Variants in FBXL17 observed in about 807,000 individuals in gnomAD.
FBXL17 encodes the protein F-box and leucine rich repeat protein 17, also known as F-box/LRR-repeat protein 17.
FBXL17 carries 22 observed loss-of-function variants against 66.2 expected under a neutral mutation model. The observed-to-expected ratio is 0.33, with a 90% confidence interval of 0.24 to 0.47. FBXL17 has a LOEUF of 0.47. Ranked by LOEUF, FBXL17 falls within the 20% of genes least tolerant of loss-of-function variation. The pLI is 1.00. For synonymous variants in FBXL17, 474 were observed against 400.5 expected (o/e 1.18, Z -2.19); for missense variants, 878 against 948.2 (o/e 0.93, Z 0.97).
chr5:108,283,353 A>AG (rs1388698233), intron 4 of FBXL17, among the ~76,000 whole-genome samples: 1 of 151,970 alleles, frequency 6.6e-6, no homozygotes. Context: ...ACAGACACAT[A>AG]GATCAATGGA....
intron 7 of FBXL17, among the ~76,000 whole-genome samples, chr5:107,898,235 TA>T (rs1250645938): frequency 3.3e-5 from 5 of 152,134 alleles, no homozygotes; most frequent in African/African-American, 4.8e-5. Context: ...GAAGAATTGG[TA>T]CCATAAACAC....
chr5:108,224,063 G>C (rs1754987014), intron 5 of FBXL17, 58 bp downstream of exon 5: 4 of 791,074 alleles, frequency 5.1e-6, no homozygotes, highest in Non-Finnish European at 6.4e-6. Context: ...AAACAATTTA[G>C]GGCTCATCAC....
chr5:108,222,579 GCTCT>G (rs1353812305), intron 5 of FBXL17, among the ~76,000 whole-genome samples: 2 of 151,584 alleles, frequency 1.3e-5, no homozygotes, highest in Non-Finnish European at 2.9e-5. Flanking sequence ...ACAACCACAG[GCTCT>G]CTTTCAGATA....
intron 6 of FBXL17, among the ~76,000 whole-genome samples, chr5:108,053,084 C>T (rs1747545135): frequency 6.6e-6 from 1 of 152,100 alleles, no homozygotes; most frequent in African/African-American, 2.4e-5. Context: ...AAACCCAAAA[C>T]CATAAAAACT....
At chr5:107,862,079 T>C (rs1190896824) in intron 8 of FBXL17, among the ~76,000 whole-genome samples, 1 of 152,156 alleles carries the variant, frequency 6.6e-6, no homozygotes, top group Non-Finnish European at 1.5e-5. Flanking sequence ...GGATTTTTAA[T>C]GTAACATCAA....
intron 4 of FBXL17, among the ~76,000 whole-genome samples, chr5:108,249,028 C>G (rs1190763134): frequency 2.2e-4 from 33 of 152,072 alleles, no homozygotes. Context: ...TGGATTAATA[C>G]AATAGACTTT....
At chr5:107,886,329 G>A (rs1344313037) in intron 7 of FBXL17, among the ~76,000 whole-genome samples, 1 of 152,150 alleles carries the variant, frequency 6.6e-6, no homozygotes, top group Admixed American at 6.6e-5. Context: ...TGAGTAATAA[G>A]TATTGTGTAT....
chr5:107,996,208 T>G (rs1028195094), intron 7 of FBXL17, among the ~76,000 whole-genome samples: 2 of 152,224 alleles, frequency 1.3e-5, no homozygotes, highest in Non-Finnish European at 2.9e-5. Context: ...AATCCTCCCT[T>G]CCTTTCTCTA....
intron 4 of FBXL17, among the ~76,000 whole-genome samples, chr5:108,278,753 G>A (rs1385612867): frequency 6.6e-6 from 1 of 152,178 alleles, no homozygotes; most frequent in Non-Finnish European, 1.5e-5. Flanking sequence ...CCTCAATGCT[G>A]CAGTAGCCAC....
chr5:108,038,496 T>C (rs1045209815), intron 6 of FBXL17, among the ~76,000 whole-genome samples: 3 of 152,142 alleles, frequency 2.0e-5, no homozygotes, highest in South Asian at 2.1e-4. Context: ...TATGATTCTA[T>C]ATTTATGTGT....
chr5:108,136,968 T>C (rs1751159839), intron 6 of FBXL17, among the ~76,000 whole-genome samples: 1 of 152,168 alleles, frequency 6.6e-6, no homozygotes, highest in Non-Finnish European at 1.5e-5. Context: ...GTAACATTAA[T>C]TTCAAATTCC....
chr5:108,096,413 G>T (rs1354325665), intron 6 of FBXL17, among the ~76,000 whole-genome samples: 2 of 152,078 alleles, frequency 1.3e-5, no homozygotes, highest in African/African-American at 4.8e-5. Flanking sequence ...TGTCTTTGGT[G>T]GCAGTTCAAA....
chr5:107,963,164 C>G (rs2112632213), intron 7 of FBXL17, among the ~76,000 whole-genome samples: 1 of 152,192 alleles, frequency 6.6e-6, no homozygotes, highest in African/African-American at 2.4e-5. Flanking sequence ...AACTGAAGAA[C>G]TTTACCAGAC....
intron 7 of FBXL17, among the ~76,000 whole-genome samples, chr5:108,006,434 G>A (rs1753923266): frequency 6.6e-6 from 1 of 152,210 alleles, no homozygotes; most frequent in South Asian, 2.1e-4. Context: ...TGAAGCATCA[G>A]GGAGATCAAA....
intron 7 of FBXL17, among the ~76,000 whole-genome samples, chr5:108,001,578 A>G (rs1463287659): frequency 6.6e-6 from 1 of 151,694 alleles, no homozygotes; most frequent in Non-Finnish European, 1.5e-5. Flanking sequence ...TCGGCTCACT[A>G]CAAGCTCCAC....
intron 6 of FBXL17, among the ~76,000 whole-genome samples, chr5:108,113,912 T>C (rs1451570589): frequency 1.3e-5 from 2 of 152,156 alleles, no homozygotes; most frequent in Non-Finnish European, 2.9e-5. Flanking sequence ...AAAATGTGCA[T>C]CAGAATTAAG....
chr5:108,090,718 TAA>T (rs765263642), intron 6 of FBXL17, among the ~76,000 whole-genome samples: 12 of 152,192 alleles, frequency 7.9e-5, no homozygotes, highest in Non-Finnish European at 1.8e-4. Flanking sequence ...TTTGAAAATA[TAA>T]AAGTCAGTTT....
At chr5:108,232,794 T>TATATATATATATATATATATATATATA (rs1294290778) in intron 4 of FBXL17, among the ~76,000 whole-genome samples, 13 of 124,838 alleles carry the variant, frequency 1.0e-4, no homozygotes, top group African/African-American at 4.2e-4. Flanking sequence ...TATATATATA[T>TATATATATATATATATATATATATATA]ATATATATAT....
At chr5:108,076,019 G>A (rs779916262) in intron 6 of FBXL17, among the ~76,000 whole-genome samples, 2 of 152,160 alleles carry the variant, frequency 1.3e-5, no homozygotes, top group Non-Finnish European at 2.9e-5. Context: ...GGTAAATAAA[G>A]GTAGTTTTAA....
Sources: gnomAD v4.1 joint callset for allele counts (sites outside exome capture counted in the v4.1 genomes callset) on GRCh38, gnomAD v4.1.1 for gene constraint, MANE v1.5 for transcripts, NCBI Gene and HGNC (gene_info 2026-07-23, HGNC 2026-07-21) for gene names.